Variants in UNC13C observed in about 807,000 individuals in gnomAD.
The protein encoded by UNC13C is unc-13 homolog C.
Under a neutral mutation model 245.4 loss-of-function variants are expected in UNC13C, and 174 were observed. That is an observed-to-expected ratio of 0.71 (90% CI 0.63 to 0.80). The LOEUF is 0.80. Among genes scored for constraint, UNC13C ranks in the 30% least tolerant of loss-of-function variants. The probability of loss-of-function intolerance (pLI) is 0.00; values close to 1 mark genes in which losing one functional copy is unlikely to be tolerated. For synonymous variants in UNC13C, 992 were observed against 895.1 expected (o/e 1.11, Z -1.93); for missense variants, 2,829 against 2,602.9 (o/e 1.09, Z -1.89).
At chr15:54,548,208 CTTTTTTTT>C (rs60975842) in intron 27 of UNC13C, among the ~76,000 whole-genome samples, 55 of 61,918 alleles carry the variant, frequency 8.9e-4, no homozygotes, top group African/African-American at 2.2e-3. Context: ...GTTTCTTTTG[CTTTTTTTT>C]TTTTTTTTTT....
intron 10 of UNC13C, among the ~76,000 whole-genome samples, chr15:54,291,293 G>C (rs1195496929): frequency 6.6e-6 from 1 of 151,856 alleles, no homozygotes; most frequent in Admixed American, 6.6e-5. Context: ...TTTGTTAGCT[G>C]CTCCAGACAC....
At chr15:54,181,379 C>G (rs565093862) in intron 4 of UNC13C, among the ~76,000 whole-genome samples, 2 of 152,140 alleles carry the variant, frequency 1.3e-5, no homozygotes, top group East Asian at 3.9e-4. Flanking sequence ...TGTACAAGTA[C>G]CAAGCTGCTT....
chr15:54,553,513 T>C (rs899511069), intron 28 of UNC13C, among the ~76,000 whole-genome samples: 3 of 140,276 alleles, frequency 2.1e-5, no homozygotes, highest in Non-Finnish European at 4.6e-5. Context: ...ATTAAATATA[T>C]GCTATATATA....
Position 54,264,412 on chromosome 15 carries a change from T to G in UNC13C, c.3676+17T>G. ...CCATTACAGGTAAAAATAAGTCTTC[T>G]TAAAAATTTGTATTGTAAATTGAGA... On this transcript the variant is annotated intron_variant, in intron 9 of 32. Transcript: ENST00000260323. 6.5e-7 allele frequency: 1 copy of G among 1,544,410 alleles called. No homozygotes were observed. Among genetic ancestry groups the G allele is most frequent in the South Asian group, 1.2e-5 (1 of 83,406 alleles).
intron 19 of UNC13C, among the ~76,000 whole-genome samples, chr15:54,420,679 A>T (rs549008610): frequency 6.6e-6 from 1 of 151,976 alleles, no homozygotes; most frequent in Non-Finnish European, 1.5e-5. Context: ...GTCAGTGTGG[A>T]TAAAACCATT....
At chr15:53,874,034 T>C in the UNC13C span, among the ~76,000 whole-genome samples, 3 of 151,610 alleles carry the variant, frequency 2.0e-5, no homozygotes, top group Non-Finnish European at 4.4e-5. Context: ...TGGAGTGCAG[T>C]GATATAATCA....
intron 2 of UNC13C, among the ~76,000 whole-genome samples, chr15:54,097,916 A>G (rs1447068524): frequency 6.6e-6 from 1 of 152,228 alleles, no homozygotes; most frequent in African/African-American, 2.4e-5. Context: ...AGAAAAGAGT[A>G]AGCCTTCCTC....
At chr15:54,586,556 C>A (rs554718691) in intron 30 of UNC13C, among the ~76,000 whole-genome samples, 3 of 152,300 alleles carry the variant, frequency 2.0e-5, no homozygotes, top group Non-Finnish European at 2.9e-5. Context: ...CCTTAATTAA[C>A]TTTTTAAAGG....
At chr15:54,543,423 A>G (rs2141170213) in intron 26 of UNC13C, among the ~76,000 whole-genome samples, 1 of 152,266 alleles carries the variant, frequency 6.6e-6, no homozygotes, top group African/African-American at 2.4e-5. Context: ...AAAAGCTAGG[A>G]GAAAAGAAGT....
chr15:54,181,859 G>C (rs936528339), intron 4 of UNC13C, among the ~76,000 whole-genome samples: 1 of 151,876 alleles, frequency 6.6e-6, no homozygotes, highest in Non-Finnish European at 1.5e-5. Flanking sequence ...GTATAGAAAT[G>C]CTACTATTTT....
chr15:54,138,949 CCT>C (rs891449285), intron 2 of UNC13C, among the ~76,000 whole-genome samples: 2 of 24,284 alleles, frequency 8.2e-5, no homozygotes, highest in African/African-American at 2.0e-4. Context: ...CCAAATTTCC[CCT>C]AATTTTTTTT....
intron 2 of UNC13C, among the ~76,000 whole-genome samples, chr15:54,026,442 G>T (rs1896110857): frequency 6.6e-6 from 1 of 152,116 alleles, no homozygotes; most frequent in African/African-American, 2.4e-5. Context: ...TAGAACACCT[G>T]GCCTGTAATA....
chr15:54,009,849 T>C (rs989336500), intron 1 of UNC13C, among the ~76,000 whole-genome samples: 3 of 152,094 alleles, frequency 2.0e-5, no homozygotes, highest in Non-Finnish European at 2.9e-5. Flanking sequence ...TATCACAGAG[T>C]TGGGATTCCA....
chr15:54,241,331 C>T (rs73411931), intron 7 of UNC13C, among the ~76,000 whole-genome samples: 12,634 of 152,010 alleles, frequency 0.083, 1,793 homozygotes, highest in African/African-American at 0.29. Context: ...ATCAGGAGAT[C>T]AAACCGGAGC....
intron 2 of UNC13C, chr15:54,044,281 A>G (rs1447259469): frequency 1.3e-5 from 2 of 159,570 alleles, no homozygotes; most frequent in Non-Finnish European, 2.8e-5. Context: ...CCTGAGCAGT[A>G]TTTCATATTA....
the UNC13C span, among the ~76,000 whole-genome samples, chr15:53,850,320 C>T: frequency 1.8e-3 from 276 of 152,204 alleles, 1 homozygote; most frequent in African/African-American, 6.4e-3. Context: ...GAGACTGAGG[C>T]AGGAGGATCA....
intron 18 of UNC13C, among the ~76,000 whole-genome samples, chr15:54,396,670 C>G (rs917197816): frequency 5.9e-5 from 9 of 151,448 alleles, no homozygotes; most frequent in Admixed American, 6.6e-5. Context: ...TCCAAAGTGG[C>G]TGTACCATGC....
chr15:54,497,128 ACT>A (rs940576635), intron 20 of UNC13C, among the ~76,000 whole-genome samples: 21 of 152,032 alleles, frequency 1.4e-4, no homozygotes, highest in East Asian at 5.8e-4. Context: ...CTGTCTAGAC[ACT>A]CTACGCTAAA....
At chr15:53,973,322 T>C (rs573637772), upstream of UNC13C, among the ~76,000 whole-genome samples, 1 of 152,298 alleles carries the variant, frequency 6.6e-6, no homozygotes, top group South Asian at 2.1e-4. Context: ...ATTTATTGAG[T>C]ACCTACTACA....
Sources: allele counts gnomAD v4.1 joint callset (sites outside exome capture counted in the v4.1 genomes callset), GRCh38; gene constraint gnomAD v4.1.1; transcripts MANE v1.5; gene names NCBI Gene and HGNC (gene_info 2026-07-23, HGNC 2026-07-21).